IMMP2L: variants seen among roughly 807,000 people sequenced by gnomAD.
IMMP2L encodes the protein mitochondrial inner membrane protease subunit 2.
A neutral mutation model predicts 19.3 loss-of-function variants in IMMP2L; 18 were observed. The observed-to-expected ratio is 0.93, with a 90% CI of 0.64 to 1.38. IMMP2L has a LOEUF of 1.38. IMMP2L is among the 40% of genes most tolerant of loss of function. The pLI, the probability that IMMP2L is intolerant of heterozygous loss-of-function variation, is 0.00. For missense variants in IMMP2L, 233 were observed against 218.2 expected (o/e 1.07, Z -0.43); for synonymous variants, 76 against 73.0 (o/e 1.04, Z -0.21).
At chr7:111,028,086 A>C (rs1375310693) in intron 3 of IMMP2L, among the ~76,000 whole-genome samples, 1 of 152,142 alleles carries the variant, frequency 6.6e-6, no homozygotes, top group Non-Finnish European at 1.5e-5. Flanking sequence ...TATGGTTAAA[A>C]GTTTAAGAAG....
chr7:111,263,750 G>A (rs1817559395), intron 3 of IMMP2L, among the ~76,000 whole-genome samples: 1 of 152,108 alleles, frequency 6.6e-6, no homozygotes, highest in Non-Finnish European at 1.5e-5. Flanking sequence ...AGGAAGAGGA[G>A]TAAGCAAAGA....
chr7:111,173,925 C>T (rs989546069), intron 3 of IMMP2L, among the ~76,000 whole-genome samples: 1 of 151,696 alleles, frequency 6.6e-6, no homozygotes, highest in Non-Finnish European at 1.5e-5. Flanking sequence ...AAAGTATCTA[C>T]AGTGAAGTTA....
At chr7:110,968,615 G>C (rs1819808198) in intron 3 of IMMP2L, among the ~76,000 whole-genome samples, 1 of 152,146 alleles carries the variant, frequency 6.6e-6, no homozygotes, top group Non-Finnish European at 1.5e-5. Flanking sequence ...AGAGGCTGCA[G>C]TGAGCAATGT....
At chr7:111,421,462 C>T (rs1287473844) in intron 3 of IMMP2L, among the ~76,000 whole-genome samples, 2 of 150,578 alleles carry the variant, frequency 1.3e-5, no homozygotes, top group South Asian at 2.1e-4. Context: ...TTAGTAGAGA[C>T]GGGGTTTCAC....
At chr7:110,928,029 G>C (rs1815054366) in intron 4 of IMMP2L, among the ~76,000 whole-genome samples, 2 of 151,568 alleles carry the variant, frequency 1.3e-5, no homozygotes, top group South Asian at 2.1e-4. Context: ...ATCTATTTTA[G>C]AGCAGGGCCA....
At chr7:111,377,491 T>C (rs1181822418) in intron 3 of IMMP2L, among the ~76,000 whole-genome samples, 1 of 152,004 alleles carries the variant, frequency 6.6e-6, no homozygotes, top group African/African-American at 2.4e-5. Context: ...TGTGGTAAAC[T>C]GCTTTTCCCT....
intron 3 of IMMP2L, among the ~76,000 whole-genome samples, chr7:111,484,589 A>C (rs10240603): frequency 0.15 from 23,181 of 152,098 alleles, 3,014 homozygotes; most frequent in African/African-American, 0.35. Flanking sequence ...GGATGTTCCA[A>C]TGTAGTAACA....
Position 111,501,599 on chromosome 7 carries a change from A to C in IMMP2L, c.136-14258T>G, listed in dbSNP as rs1423737274. Among the ~76,000 whole-genome samples, 25 of 152,334 alleles carry C rather than the reference A, an allele frequency of 1.6e-4. No individual in the cohort carries two copies. The East Asian group carries it at 4.0e-3, about 25-fold the overall frequency. On this transcript the variant is annotated intron_variant, in intron 2 of 5. Transcript: ENST00000405709. ...AAAGGTCGGGTTACCCACAAAGGGA[A>C]GCCCATCAGACAAACAGCGGATCTC...
intron 3 of IMMP2L, among the ~76,000 whole-genome samples, chr7:110,971,448 C>G (rs1820134723): frequency 6.6e-6 from 1 of 152,054 alleles, no homozygotes; most frequent in African/African-American, 2.4e-5. Flanking sequence ...ACCTTTACAA[C>G]TGAGAATCAG....
At chr7:111,189,659 G>A (rs1215658249) in intron 3 of IMMP2L, among the ~76,000 whole-genome samples, 1 of 152,068 alleles carries the variant, frequency 6.6e-6, no homozygotes, top group African/African-American at 2.4e-5. Context: ...GCAAAGATAA[G>A]GGTAAGAGAA....
At chr7:111,326,465 T>C (rs947475209) in intron 3 of IMMP2L, among the ~76,000 whole-genome samples, 1 of 151,864 alleles carries the variant, frequency 6.6e-6, no homozygotes, top group Non-Finnish European at 1.5e-5. Context: ...CAATTCTCAG[T>C]TGTCTCTTAA....
chr7:110,943,201 G>C (rs1292590053), intron 4 of IMMP2L, among the ~76,000 whole-genome samples: 2 of 151,956 alleles, frequency 1.3e-5, no homozygotes, highest in African/African-American at 4.8e-5. Flanking sequence ...AAATATCATA[G>C]GTATTTTTAG....
At chr7:111,304,681 T>TGTGG (rs1323968910) in intron 3 of IMMP2L, among the ~76,000 whole-genome samples, 4 of 142,682 alleles carry the variant, frequency 2.8e-5, no homozygotes, top group Non-Finnish European at 6.1e-5. Flanking sequence ...TGTGTGTGTG[T>TGTGG]GTGTGTGTGT....
At chr7:111,162,734 A>G (rs986676220) in intron 3 of IMMP2L, among the ~76,000 whole-genome samples, 22 of 151,692 alleles carry the variant, frequency 1.5e-4, no homozygotes, top group African/African-American at 5.1e-4. Flanking sequence ...TCTCCTGACC[A>G]AACTCTTGTC....
chr7:110,972,549 G>A (rs1820254833), intron 3 of IMMP2L, among the ~76,000 whole-genome samples: 1 of 152,046 alleles, frequency 6.6e-6, no homozygotes, highest in African/African-American at 2.4e-5. Context: ...TTTGGCAGCT[G>A]AGAATAAATA....
intron 3 of IMMP2L, chr7:111,391,716 A>T (rs1832369199): frequency 3.9e-6 from 2 of 508,246 alleles, no homozygotes; most frequent in Non-Finnish European, 7.0e-6. Flanking sequence ...CAAATTTTTT[A>T]AAATAAAAAG....
chr7:111,123,964 G>C lies in IMMP2L; in HGVS notation c.240-160399C>G. The C allele has an allele frequency of 6.2e-7, 1 of 1,614,006 alleles. No homozygotes were observed. Among genetic ancestry groups the C allele is most frequent in the Non-Finnish European group, 8.5e-7 (1 of 1,179,988 alleles). On this transcript the variant is annotated intron_variant, in intron 3 of 5. Coordinates refer to ENST00000405709, the MANE Select transcript of IMMP2L (RefSeq NM_032549.4). The surrounding 1 kb of genome is among the most constrained non-coding windows in gnomAD (Gnocchi z 6.4). ...GGAGCCAGATTCACTGTTTTGCGTG[G>C]ACCCACCTGAATTCCAAGGTCAGAA...
intron 3 of IMMP2L, among the ~76,000 whole-genome samples, chr7:111,007,681 A>G (rs531806279): frequency 6.6e-6 from 1 of 152,188 alleles, no homozygotes; most frequent in South Asian, 2.1e-4. Context: ...ATGTATGTAC[A>G]CATATAGACA....
chr7:111,139,105 C>A (rs1325480755), intron 3 of IMMP2L, among the ~76,000 whole-genome samples: 2 of 151,694 alleles, frequency 1.3e-5, no homozygotes, highest in Non-Finnish European at 2.9e-5. Context: ...CATTTGATAT[C>A]TAGTATTTCA....
Sources: gnomAD v4.1 joint callset for allele counts (sites outside exome capture counted in the v4.1 genomes callset) on GRCh38, gnomAD v4.1.1 for gene constraint, Gnocchi (gnomAD v3.1) non-coding constraint, MANE v1.5 for transcripts, NCBI Gene and HGNC (gene_info 2026-07-23, HGNC 2026-07-21) for gene names.